The following CCDC187 variants were observed in gnomAD, a reference collection of about 807,000 sequenced individuals.
The protein encoded by CCDC187 is coiled-coil domain-containing protein 187.
Under a neutral mutation model 38.0 loss-of-function variants are expected in CCDC187, and 32 were observed. The observed-to-expected ratio is 0.84, with a 90% CI of 0.64 to 1.13. The LOEUF is 1.13. Among genes scored for constraint, CCDC187 ranks in the 50% most tolerant of loss-of-function variants. The pLI, the probability that CCDC187 is intolerant of heterozygous loss-of-function variation, is 0.00. For synonymous variants in CCDC187, 333 were observed against 347.9 expected (o/e 0.96, Z 0.48); for missense variants, 707 against 786.8 (o/e 0.90, Z 1.21).
chr9:136,271,177 T>C (rs111368740), intron 14 of CCDC187, among the ~76,000 whole-genome samples: 12 of 152,112 alleles, frequency 7.9e-5, no homozygotes, highest in South Asian at 2.1e-4. Context: ...ATTTCCAAAT[T>C]TGAAGAAAAT....
At chr9:136,255,959 G>C (rs1554760246) in intron 24 of CCDC187, among the ~76,000 whole-genome samples, 1 of 152,196 alleles carries the variant, frequency 6.6e-6, no homozygotes, top group Non-Finnish European at 1.5e-5. Context: ...TGGCAGAGAG[G>C]GGGGTGGGGC....
chr9:136,306,432 G>A (rs1353594398), upstream of CCDC187, among the ~76,000 whole-genome samples: 1 of 152,212 alleles, frequency 6.6e-6, no homozygotes, highest in African/African-American at 2.4e-5. Context: ...TCCCCTGGGG[G>A]CAGGAAGTAG....
chr9:136,250,491 GA>G lies in CCDC187; in HGVS notation c.*3102del, dbSNP rs1333763107. ...CGTCATGCCAGATGCGTGTGTGTGAGATACATAATTCCTCTCACACGGCCTC... is the reference window on the plus strand; with the variant it reads ...CGTCATGCCAGATGCGTGTGTGTGAGTACATAATTCCTCTCACACGGCCTC... On this transcript the variant is annotated 3_prime_UTR_variant, in exon 26 of 26. Coordinates refer to ENST00000638797, the MANE Select transcript of CCDC187 (RefSeq NM_001378188.1). 214 of 341,326 alleles carry G rather than the reference GA, an allele frequency of 6.3e-4. 7 individuals carry two copies. Among genetic ancestry groups the G allele is most frequent in the South Asian group, 4.1e-3 (184 of 44,436 alleles). 21.1% of individuals were successfully genotyped at this position (341,326 alleles called of 1,614,324 possible). A position where few individuals can be genotyped will look rare whatever the true frequency, so the allele number is the denominator to read the frequency against.
rs62579896 is a variant in CCDC187 at position 136,257,025 on chromosome 9, C to T, written c.4367-184G>A. Among the ~76,000 whole-genome samples the T allele has an allele frequency of 0.99, 150,310 of 152,388 alleles. 74,139 individuals are homozygous for T. Among genetic ancestry groups the T allele is most frequent in the Middle Eastern group, 1 (294 of 294 alleles). ...TAGTTTGCTCCTAAAATGATCCTGT[C>T]ATTGGACAGTTAGTGATCAAAGTCC... On this transcript the variant is annotated intron_variant, in intron 22 of 25. Transcript: ENST00000638797. The surrounding 1 kb of genome is among the most constrained non-coding windows in gnomAD (Gnocchi z 4.5).
At chr9:136,285,157 C>T (rs1405621093) in intron 9 of CCDC187, among the ~76,000 whole-genome samples, 3 of 152,006 alleles carry the variant, frequency 2.0e-5, no homozygotes, top group African/African-American at 4.8e-5. Context: ...CAGGTGGGGT[C>T]GCCGGGCCCG....
In CCDC187 at chr9:136,303,062, G is replaced by A. The variant is rs891240241; in HGVS notation, c.375C>T (p.His125=). 4 of 398,528 alleles carry A rather than the reference G, an allele frequency of 1.0e-5. No individual in the cohort carries two copies. Among genetic ancestry groups the A allele is most frequent in the Non-Finnish European group, 8.8e-6 (2 of 226,106 alleles). 24.7% of individuals were successfully genotyped at this position (398,528 alleles called of 1,614,324 possible). Residue 125 remains histidine, a synonymous_variant, in exon 2 of 26, where the codon CAC becomes CAT. Coordinates refer to ENST00000638797, the MANE Select transcript of CCDC187 (RefSeq NM_001378188.1). ...SGRLSCSSGG[H]DVCVSWKERP... is the part of the protein sequence containing the mutation. ...TCTCCTTCCAAGACACACACACGTCGTGGCCCCCCGAAGAGCACGAGAGGC... is the reference window on the plus strand; with the variant it reads ...TCTCCTTCCAAGACACACACACGTCATGGCCCCCCGAAGAGCACGAGAGGC...
At chr9:136,287,454 C>T (rs1317111323) in intron 7 of CCDC187, among the ~76,000 whole-genome samples, 2 of 152,206 alleles carry the variant, frequency 1.3e-5, no homozygotes, top group Non-Finnish European at 2.9e-5. Flanking sequence ...AATGAGACGC[C>T]AGAGTCCTCG....
upstream of CCDC187, among the ~76,000 whole-genome samples, chr9:136,305,856 T>C (rs1283294466): frequency 1.3e-5 from 2 of 152,178 alleles, no homozygotes; most frequent in Non-Finnish European, 2.9e-5. Flanking sequence ...CCACCTGCCC[T>C]GGGGGACAGC....
chr9:136,275,268 G>A (rs1035731645), intron 12 of CCDC187, among the ~76,000 whole-genome samples: 1 of 152,192 alleles, frequency 6.6e-6, no homozygotes, highest in Non-Finnish European at 1.5e-5. Context: ...GGGACCAGCT[G>A]CATGGAGACG....
At chr9:136,285,816 G>A (rs1239197588) in intron 8 of CCDC187, 1 of 397,078 alleles carries the variant, frequency 2.5e-6, no homozygotes, top group Non-Finnish European at 4.4e-6. Context: ...CTTCTGGCCA[G>A]AGAACAAGAC....
rs1007322008 is a variant in CCDC187, at chr9:136,299,208, A to C, written c.724+1012T>G. 4.2e-3 allele frequency among the ~76,000 whole-genome samples: 640 copies of C among 152,306 alleles called. 6 individuals are homozygous for C. The highest frequency in any genetic ancestry group is 0.015 in the African/African-American group (607 of 41,562). ...GGAGTTCCCCGGCAACTGTGGGGTC[A>C]GGGAGATGGCTCTGTCCCCTGCTCT... is the stretch of plus-strand genomic sequence containing the variant. On this transcript the variant is annotated intron_variant, in intron 3 of 25. Coordinates refer to ENST00000638797, the MANE Select transcript of CCDC187 (RefSeq NM_001378188.1).
intron 18 of CCDC187, among the ~76,000 whole-genome samples, chr9:136,263,227 G>A (rs547594786): frequency 7.3e-4 from 103 of 140,436 alleles, no homozygotes; most frequent in Middle Eastern, 3.8e-3. Flanking sequence ...TCTGCCTGGG[G>A]CCACAGGCTT....
In CCDC187 at chr9:136,285,539, G is replaced by A; in HGVS notation, c.2901C>T (p.Phe967=). 2.6e-6 allele frequency: 1 copy of A among 384,232 alleles called. No homozygotes were observed. Among genetic ancestry groups the A allele is most frequent in the East Asian group, 3.7e-5 (1 of 26,738 alleles). 23.8% of individuals were successfully genotyped at this position (384,232 alleles called of 1,614,324 possible). Residue 967 remains phenylalanine (F), a synonymous_variant, in exon 9 of 26, where the codon TTC becomes TTT. Coordinates refer to ENST00000638797, the MANE Select transcript of CCDC187 (RefSeq NM_001378188.1). ...TCCCCGCAGAGGGGCTGAGGGCCTG[G>A]AAGGGGGCCACGCCTCTCTGCAGCC... is the stretch of plus-strand genomic sequence containing the variant. The part of the protein sequence containing the change: ...DKRLQRGVAP[F]QALSPSAGSS...
Position 136,251,760 on chromosome 9 carries a change from G to C in CCDC187, c.*1834C>G, listed in dbSNP as rs1016615772. 1.1e-4 allele frequency: 17 copies of C among 153,622 alleles called. No individual in the cohort carries two copies. Among genetic ancestry groups the C allele is most frequent in the African/African-American group, 2.9e-4 (12 of 41,470 alleles). The allele number at this position is 153,622 out of a possible 1,614,324, so 9.5% of individuals were successfully genotyped here. A position where few individuals can be genotyped will look rare whatever the true frequency, so the allele number is the denominator to read the frequency against. ...TTCTTGGACGCCTCTTCGTGGCTTTGATGCGAAGAAGCAGGTGTGCAGTCC... is the reference window on the plus strand; with the variant it reads ...TTCTTGGACGCCTCTTCGTGGCTTTCATGCGAAGAAGCAGGTGTGCAGTCC... On this transcript the variant is annotated 3_prime_UTR_variant, in exon 26 of 26. Transcript: ENST00000638797.
At chr9:136,295,058 A>G (rs1831501648) in intron 4 of CCDC187, among the ~76,000 whole-genome samples, 1 of 152,208 alleles carries the variant, frequency 6.6e-6, no homozygotes, top group Non-Finnish European at 1.5e-5. Flanking sequence ...GGCAGTCACG[A>G]TCATTGCAGG....
chr9:136,295,183 G>A (rs1831505508), intron 4 of CCDC187, among the ~76,000 whole-genome samples: 1 of 152,224 alleles, frequency 6.6e-6, no homozygotes. Flanking sequence ...GACCCAGCGT[G>A]GAGGGGAGCC....
At chr9:136,266,117 C>G in intron 16 of CCDC187, 74 bp from the exon 17 acceptor site, 1 of 880,480 alleles carries the variant, frequency 1.1e-6, no homozygotes. Context: ...ACAGACACAG[C>G]CAGCCCTGGT....
intron 6 of CCDC187, 40 bp downstream of exon 6, chr9:136,290,446 T>G: frequency 2.5e-6 from 1 of 398,616 alleles, no homozygotes; most frequent in Non-Finnish European, 4.4e-6. Flanking sequence ...CTCTGGCCCA[T>G]GGCTGAGCCG....
At position 136,254,338 on chromosome 9, in the gene CCDC187, C is replaced by T. The variant is rs1259562307; in HGVS notation, c.5490G>A (p.Glu1830=). The part of the protein sequence containing the change: ...SLKGGVRSGM[E]PQVALPSPWP... ...ATGGGGACGGAAGAGCCACCTGGGG[C>T]TCCATGCCGCTTCTGACACCCCCTT... The change falls in exon 26 of 26, where the codon GAG becomes GAA. Residue 1830 remains glutamate, a synonymous_variant. Coordinates refer to ENST00000638797, the MANE Select transcript of CCDC187 (RefSeq NM_001378188.1). 8.1e-6 allele frequency: 8 copies of T among 983,704 alleles called. No individual in the cohort carries two copies. The highest frequency in any genetic ancestry group is 8.4e-6 in the Non-Finnish European group (7 of 828,920). 60.9% of individuals were successfully genotyped at this position (983,704 alleles called of 1,614,324 possible). A position where few individuals can be genotyped will look rare whatever the true frequency, so the allele number is the denominator to read the frequency against.
Sources: gnomAD v4.1 joint callset for allele counts (sites outside exome capture counted in the v4.1 genomes callset) on GRCh38, gnomAD v4.1.1 for gene constraint, Gnocchi (gnomAD v3.1) non-coding constraint, MANE v1.5 for transcripts, NCBI Gene and HGNC (gene_info 2026-07-23, HGNC 2026-07-21) for gene names.